The following XKR6 variants were observed in gnomAD, a reference collection of about 807,000 sequenced individuals.
The protein encoded by XKR6 is XK related 6, also known as XK-related protein 6.
XKR6 carries 22 observed loss-of-function variants against 56.7 expected under a neutral mutation model. The observed-to-expected ratio is 0.39, with a 90% CI of 0.28 to 0.55. The LOEUF (loss-of-function observed/expected upper bound fraction) is 0.55, where lower values mean the gene tolerates loss of function less well. Ranked by LOEUF, XKR6 falls within the 20% of genes least tolerant of loss-of-function variation. XKR6 has a pLI of 0.66. For synonymous variants in XKR6, 524 were observed against 387.8 expected, an observed-to-expected ratio of 1.35 and a Z score of -4.13; for missense variants, 852 against 889.0, an observed-to-expected ratio of 0.96 and a Z score of 0.53.
At chr8:11,014,271 A>T (rs1222327745) in intron 1 of XKR6, among the ~76,000 whole-genome samples, 1 of 152,230 alleles carries the variant, frequency 6.6e-6, no homozygotes, top group African/African-American at 2.4e-5. Flanking sequence ...ACTCCAAAGG[A>T]GTGTAGCGGC....
At chr8:11,024,144 G>A (rs2129149435) in intron 1 of XKR6, among the ~76,000 whole-genome samples, 1 of 151,474 alleles carries the variant, frequency 6.6e-6, no homozygotes, top group Non-Finnish European at 1.5e-5. Flanking sequence ...TCGCCCTCAA[G>A]TTTAAATGAG....
chr8:10,898,882 A>C lies in XKR6; in HGVS notation c.996T>G (p.Ala332=), dbSNP rs1359121829. Residue 332 remains alanine (A), a synonymous_variant, in exon 3 of 3, where the codon GCT becomes GCG. Transcript: ENST00000416569. The surrounding 1 kb of genome is among the most constrained non-coding windows in gnomAD (Gnocchi z 6.6). ...GCTTGTGATAGGAGGCTAGCACCCAAGCCAGGGACATCAGGGAAGTCACAG... is the reference window on the plus strand; with the variant it reads ...GCTTGTGATAGGAGGCTAGCACCCACGCCAGGGACATCAGGGAAGTCACAG... ...VSSVTSLMSL[A]WVLASYHKLL... 6.2e-7 allele frequency: 1 copy of C among 1,612,342 alleles called. No individual in the cohort carries two copies.
At chr8:11,095,516 C>T (rs1266138289) in intron 1 of XKR6, among the ~76,000 whole-genome samples, 1 of 152,150 alleles carries the variant, frequency 6.6e-6, no homozygotes, top group African/African-American at 2.4e-5. Context: ...GCAGGGGCTC[C>T]CCCAGCACAC....
At chr8:10,927,352 C>G (rs1359556419) in intron 1 of XKR6, among the ~76,000 whole-genome samples, 1 of 152,126 alleles carries the variant, frequency 6.6e-6, no homozygotes. Context: ...GAGCTGCCCC[C>G]TGTGACCCAA....
At position 10,898,302 on chromosome 8, in the gene XKR6, C is replaced by G. The variant is rs141287327; in HGVS notation, c.1576G>C (p.Val526Leu). 1 of 1,614,076 alleles carries G rather than the reference C, an allele frequency of 6.2e-7. No homozygotes were observed. Among genetic ancestry groups the G allele is most frequent in the African/African-American group, 1.3e-5 (1 of 75,038 alleles). The part of the protein sequence containing the change: ...LLWGIPLPPD[V>L]EPMAPEIPGY... Reference sequence around the variant, plus strand: ...GGGATCTCAGGCGCCATGGGCTCAACATCGGGGGGCAAAGGGATGCCCCAG... The same window carrying G: ...GGGATCTCAGGCGCCATGGGCTCAAGATCGGGGGGCAAAGGGATGCCCCAG... The change falls in exon 3 of 3, where the codon GTT becomes CTT. Residue 526 changes from valine (V) to leucine (L), a missense_variant. Transcript: ENST00000416569. This position sits in a 1 kb window ranked among gnomAD's most constrained non-coding sequence, Gnocchi z 6.6.
At chr8:11,178,381 C>T (rs1423868927) in intron 1 of XKR6, among the ~76,000 whole-genome samples, 3 of 151,606 alleles carry the variant, frequency 2.0e-5, no homozygotes, top group Non-Finnish European at 4.4e-5. Context: ...TATGTGGCTT[C>T]GGTCATCAAG....
chr8:11,025,407 T>G (rs562469709), intron 1 of XKR6, among the ~76,000 whole-genome samples: 1 of 152,182 alleles, frequency 6.6e-6, no homozygotes, highest in African/African-American at 2.4e-5. Context: ...AAAATACCTA[T>G]TGAATACCTG....
chr8:11,157,196 A>T (rs1180710542), intron 1 of XKR6, among the ~76,000 whole-genome samples: 1 of 152,182 alleles, frequency 6.6e-6, no homozygotes, highest in Non-Finnish European at 1.5e-5. Context: ...AAGACCAAGA[A>T]ACTGTTGCAG....
chr8:10,955,537 C>A (rs1222432845), intron 1 of XKR6, among the ~76,000 whole-genome samples: 1 of 152,108 alleles, frequency 6.6e-6, no homozygotes, highest in African/African-American at 2.4e-5. Flanking sequence ...AGATATGGGT[C>A]TAAGTGGGTC....
chr8:11,005,273 T>C (rs894086878), intron 1 of XKR6, among the ~76,000 whole-genome samples: 1 of 152,128 alleles, frequency 6.6e-6, no homozygotes, highest in Non-Finnish European at 1.5e-5. Flanking sequence ...ATTTTCAGAA[T>C]TTCCCATTTA....
At position 10,985,312 on chromosome 8, in the gene XKR6, G is replaced by C. The variant is rs187397828; in HGVS notation, c.765-60482C>G. Reference sequence around the variant, plus strand: ...CATGAGATCTGATGGTTTTATAAAGGAGAGTTCTCCTGCACCCACTTTCTT... The same window carrying C: ...CATGAGATCTGATGGTTTTATAAAGCAGAGTTCTCCTGCACCCACTTTCTT... On this transcript the variant is annotated intron_variant, in intron 1 of 2. Coordinates refer to ENST00000416569, the MANE Select transcript of XKR6 (RefSeq NM_173683.4). Among the ~76,000 whole-genome samples, 8 of 152,092 alleles carry C rather than the reference G, an allele frequency of 5.3e-5. No homozygotes were observed. The East Asian group carries it at 1.5e-3, about 29-fold the overall frequency.
At chr8:11,104,260 G>A (rs909656413) in intron 1 of XKR6, among the ~76,000 whole-genome samples, 2 of 152,236 alleles carry the variant, frequency 1.3e-5, no homozygotes, top group African/African-American at 2.4e-5. Flanking sequence ...GAATCTGACT[G>A]GAGATCACTG....
intron 1 of XKR6, chr8:11,108,595 G>C (rs1001093630): frequency 3.1e-6 from 1 of 325,448 alleles, no homozygotes; most frequent in African/African-American, 2.2e-5. Context: ...CCGTGCTTCT[G>C]GGGCAGCCCT....
chr8:11,029,538 C>T (rs1798944692), intron 1 of XKR6, among the ~76,000 whole-genome samples: 1 of 152,112 alleles, frequency 6.6e-6, no homozygotes, highest in Non-Finnish European at 1.5e-5. Flanking sequence ...AGAGGTGGTG[C>T]CCTCCCGTCC....
chr8:11,002,338 G>A, intron 1 of XKR6: 1 of 240,176 alleles, frequency 4.2e-6, no homozygotes, highest in Non-Finnish European at 9.2e-6. Context: ...TGCATAGCCT[G>A]GAAAGGCTGG....
intron 1 of XKR6, among the ~76,000 whole-genome samples, chr8:11,117,597 T>G (rs1799244001): frequency 6.6e-6 from 1 of 152,118 alleles, no homozygotes; most frequent in African/African-American, 2.4e-5. Flanking sequence ...CATAAAAATG[T>G]GAAACCATAA....
intron 1 of XKR6, among the ~76,000 whole-genome samples, chr8:11,018,262 G>A (rs372479564): frequency 6.0e-5 from 9 of 149,994 alleles, no homozygotes; most frequent in Admixed American, 2.7e-4. Flanking sequence ...TTACCATAGC[G>A]ACCTCAAGAA....
chr8:10,985,975 A>C (rs547377954), intron 1 of XKR6, among the ~76,000 whole-genome samples: 1 of 152,382 alleles, frequency 6.6e-6, no homozygotes, highest in East Asian at 1.9e-4. Context: ...AAGCAAGAAT[A>C]TTTAGAAAAT....
chr8:11,133,512 A>G (rs895664636), intron 1 of XKR6, among the ~76,000 whole-genome samples: 11 of 152,104 alleles, frequency 7.2e-5, no homozygotes, highest in African/African-American at 2.4e-4. Context: ...TGGACCTTGA[A>G]CTGGCGGGAA....
Sources: gnomAD v4.1 joint callset for allele counts (sites outside exome capture counted in the v4.1 genomes callset) on GRCh38, gnomAD v4.1.1 for gene constraint, Gnocchi (gnomAD v3.1) non-coding constraint, MANE v1.5 for transcripts, NCBI Gene and HGNC (gene_info 2026-07-23, HGNC 2026-07-21) for gene names.